The following PTPRT variants were observed in gnomAD, a reference collection of about 807,000 sequenced individuals.
The protein encoded by PTPRT is receptor-type tyrosine-protein phosphatase T.
In PTPRT, 56 loss-of-function variants were observed where a neutral mutation model predicts 176.8. That is an observed-to-expected ratio of 0.32 (90% CI 0.26 to 0.40). PTPRT has a LOEUF of 0.40. Ranked by LOEUF, PTPRT falls within the 10% of genes least tolerant of loss-of-function variation. PTPRT has a pLI of 1.00. For missense variants in PTPRT, 1,540 were observed against 1,908.2 expected, an observed-to-expected ratio of 0.81 and a Z score of 3.60; for synonymous variants, 783 against 739.0, an observed-to-expected ratio of 1.06 and a Z score of -0.96.
chr20:42,827,650 C>T (rs1305716708), intron 2 of PTPRT, among the ~76,000 whole-genome samples: 1 of 152,076 alleles, frequency 6.6e-6, no homozygotes, highest in Non-Finnish European at 1.5e-5. Context: ...TCTCATAATC[C>T]CCACATGTCA....
intron 11 of PTPRT, among the ~76,000 whole-genome samples, chr20:42,341,854 T>G (rs1211473333): frequency 1.3e-5 from 2 of 152,206 alleles, no homozygotes; most frequent in Non-Finnish European, 2.9e-5. Context: ...TCGATCTTCA[T>G]GTTCCATCGA....
intron 27 of PTPRT, among the ~76,000 whole-genome samples, chr20:42,087,872 CAAAAAAAAA>C (rs56235565): frequency 1.0e-4 from 9 of 89,042 alleles, no homozygotes; most frequent in South Asian, 9.5e-4. Flanking sequence ...GACTCCATTT[CAAAAAAAAA>C]AAAAAAAAAA....
At chr20:42,551,334 C>A (rs576459061) in intron 7 of PTPRT, among the ~76,000 whole-genome samples, 4 of 152,246 alleles carry the variant, frequency 2.6e-5, no homozygotes, top group African/African-American at 9.6e-5. Flanking sequence ...AAATAGTCAT[C>A]AGGCACACAC....
rs547471092 is a variant in PTPRT, at chr20:42,343,972, T to C, written c.1865+6656A>G. ...TGGAGTGCAGTGGTGTGATCTCAGC[T>C]CACTGCAACCTCTGCCTACTGGGTT... On this transcript the variant is annotated intron_variant, in intron 11 of 30. Transcript: ENST00000373187. 1.1e-3 allele frequency among the ~76,000 whole-genome samples: 164 copies of C among 152,350 alleles called. 1 individual carries two copies. Among genetic ancestry groups the C allele is most frequent in the South Asian group, 9.1e-3 (44 of 4,834 alleles).
At chr20:42,071,951 C>G (rs538168177), downstream of PTPRT, among the ~76,000 whole-genome samples, 1 of 152,206 alleles carries the variant, frequency 6.6e-6, no homozygotes, top group Non-Finnish European at 1.5e-5. Context: ...AGCCACCATG[C>G]CTGGCCAACT....
intron 7 of PTPRT, among the ~76,000 whole-genome samples, chr20:42,593,284 C>T (rs537709608): frequency 6.6e-6 from 1 of 152,292 alleles, no homozygotes; most frequent in South Asian, 2.1e-4. Flanking sequence ...CCTCTGATAG[C>T]CTCCAGGCTT....
At chr20:42,947,088 A>C (rs548367452) in intron 1 of PTPRT, among the ~76,000 whole-genome samples, 1 of 152,292 alleles carries the variant, frequency 6.6e-6, no homozygotes, top group Non-Finnish European at 1.5e-5. Flanking sequence ...TGCTTCCAAA[A>C]TTAGGTGAAT....
chr20:42,858,403 G>A (rs894345333), intron 2 of PTPRT, among the ~76,000 whole-genome samples: 3 of 152,172 alleles, frequency 2.0e-5, no homozygotes, highest in East Asian at 1.9e-4. Context: ...GGCAGGCCAG[G>A]ATGATCAGAT....
At chr20:42,410,272 T>C (rs1202356793) in intron 9 of PTPRT, among the ~76,000 whole-genome samples, 1 of 152,080 alleles carries the variant, frequency 6.6e-6, no homozygotes, top group Non-Finnish European at 1.5e-5. Flanking sequence ...CATATTCAGA[T>C]TGAATTTGTT....
intron 7 of PTPRT, among the ~76,000 whole-genome samples, chr20:42,622,356 C>T (rs1288240033): frequency 2.0e-5 from 3 of 152,066 alleles, no homozygotes; most frequent in African/African-American, 7.2e-5. Flanking sequence ...ATTCTCCTGC[C>T]TCAGCCTCCC....
intron 6 of PTPRT, among the ~76,000 whole-genome samples, chr20:42,729,931 A>G (rs947549866): frequency 5.3e-5 from 8 of 152,190 alleles, no homozygotes; most frequent in Non-Finnish European, 8.8e-5. Context: ...CTTCCAATGA[A>G]GCCAACAAGG....
intron 6 of PTPRT, among the ~76,000 whole-genome samples, chr20:42,691,601 G>A (rs1348512096): frequency 1.3e-5 from 2 of 152,180 alleles, no homozygotes; most frequent in Non-Finnish European, 2.9e-5. Flanking sequence ...CTTATGCAAA[G>A]GAACTGAAAA....
chr20:42,140,435 C>T (rs995796622), intron 18 of PTPRT, among the ~76,000 whole-genome samples: 1 of 152,186 alleles, frequency 6.6e-6, no homozygotes, highest in East Asian at 1.9e-4. Context: ...ACTTTGAAGG[C>T]TGTACCTACG....
At chr20:42,382,206 G>C (rs2058703802) in intron 9 of PTPRT, among the ~76,000 whole-genome samples, 1 of 152,172 alleles carries the variant, frequency 6.6e-6, no homozygotes, top group Non-Finnish European at 1.5e-5. Flanking sequence ...GCATTGTTCT[G>C]TTTAATAGCA....
intron 2 of PTPRT, among the ~76,000 whole-genome samples, chr20:42,813,159 T>C (rs1197884803): frequency 1.3e-5 from 2 of 152,172 alleles, no homozygotes; most frequent in African/African-American, 4.8e-5. Flanking sequence ...TTAATGCTAT[T>C]TTGGGCCTCA....
chr20:42,278,541 A>G (rs2057086599), intron 13 of PTPRT, among the ~76,000 whole-genome samples: 3 of 152,094 alleles, frequency 2.0e-5, no homozygotes, highest in Admixed American at 1.3e-4. Context: ...GATGAGTACA[A>G]GAAAGGAGTC....
At chr20:42,634,999 C>G (rs529983023) in intron 7 of PTPRT, among the ~76,000 whole-genome samples, 1 of 152,132 alleles carries the variant, frequency 6.6e-6, no homozygotes, top group Admixed American at 6.5e-5. Context: ...CAGCAGGTAT[C>G]CACAATCTTT....
intron 1 of PTPRT, among the ~76,000 whole-genome samples, chr20:42,896,635 CAAAAAAAAAA>C (rs58679220): frequency 5.9e-4 from 43 of 72,330 alleles, no homozygotes; most frequent in Admixed American, 2.0e-3. Flanking sequence ...AACTCCGTCT[CAAAAAAAAAA>C]AAAAAAAAAA....
intron 2 of PTPRT, among the ~76,000 whole-genome samples, chr20:42,871,010 G>C (rs1041264110): frequency 1.3e-5 from 2 of 151,152 alleles, no homozygotes; most frequent in Non-Finnish European, 2.9e-5. Context: ...GAGTGCAGTG[G>C]CACAATCTTG....
Sources: allele counts gnomAD v4.1 joint callset (sites outside exome capture counted in the v4.1 genomes callset), GRCh38; gene constraint gnomAD v4.1.1; transcripts MANE v1.5; gene names NCBI Gene and HGNC (gene_info 2026-07-23, HGNC 2026-07-21).